TMEM213: variants seen among roughly 807,000 people sequenced by gnomAD.
TMEM213 encodes the protein transmembrane protein 213.
In TMEM213, 7 loss-of-function variants were observed where a neutral mutation model predicts 11.6. That is an observed-to-expected ratio of 0.60 (90% CI 0.34 to 1.13). TMEM213 has a LOEUF of 1.13. Ranked by LOEUF, TMEM213 falls within the 50% of genes most tolerant of loss-of-function variation. The pLI is 0.03. For missense variants in TMEM213, 129 were observed against 139.0 expected (o/e 0.93, Z 0.36); for synonymous variants, 60 against 58.3 (o/e 1.03, Z -0.13).
chr7:138,798,268 A>T, intron 1 of TMEM213, 82 bp downstream of exon 1: 2 of 1,168,830 alleles, frequency 1.7e-6, no homozygotes, highest in Non-Finnish European at 2.3e-6. Flanking sequence ...AAGAAGGAGG[A>T]GGGGGAAGAT....
chr7:138,799,529 G>C (rs1808859213), intron 1 of TMEM213: 1 of 152,162 alleles, frequency 6.6e-6, no homozygotes, highest in Non-Finnish European at 1.5e-5. Flanking sequence ...ACAGAAAATT[G>C]CTGATATTGA....
In TMEM213 at chr7:138,804,965, C is replaced by A. The variant is rs1422570356; in HGVS notation, c.*1896C>A. The A allele has an allele frequency of 1.3e-5, 2 of 152,094 alleles. No homozygotes were observed. Among genetic ancestry groups the A allele is most frequent in the African/African-American group, 4.8e-5 (2 of 41,416 alleles). The allele number at this position is 152,094 out of a possible 1,614,324, so 9.4% of individuals were successfully genotyped here. ...AAATACAAAAAGGAAAAATGAAAGACCTCTGAAATAGGAACAATCTCTTGA... is the reference window on the plus strand; with the variant it reads ...AAATACAAAAAGGAAAAATGAAAGAACTCTGAAATAGGAACAATCTCTTGA... On this transcript the variant is annotated 3_prime_UTR_variant, in exon 3 of 3. Transcript: ENST00000442682.
chr7:138,798,515 A>T (rs1342474732), intron 1 of TMEM213, among the ~76,000 whole-genome samples: 5 of 152,184 alleles, frequency 3.3e-5, no homozygotes, highest in Admixed American at 3.3e-4. Flanking sequence ...GACCAAAATG[A>T]TATCTCTTGG....
intron 2 of TMEM213, 58 bp from the exon 3 acceptor site, chr7:138,802,842 G>A (rs1808991228): frequency 1.3e-6 from 2 of 1,491,288 alleles, no homozygotes; most frequent in Admixed American, 4.6e-5. Context: ...TAATGGTAGA[G>A]AAGCCTGGGC....
At chr7:138,798,315 GAAACAGAACTTTCTCATCTGAA>G in intron 1 of TMEM213, 129 bp downstream of exon 1, 1 of 408,196 alleles carries the variant, frequency 2.4e-6, no homozygotes, top group Non-Finnish European at 3.9e-6. Context: ...AAGGAAGGAG[GAAACAGAACTTTCTCATCTGAA>G]GGATTAGGCA....
At chr7:138,802,483 A>G (rs112867123) in intron 2 of TMEM213, among the ~76,000 whole-genome samples, 16,867 of 151,178 alleles carry the variant, frequency 0.11, 975 homozygotes, top group Non-Finnish European at 0.13. Context: ...CCCAGAAGGC[A>G]GAAGTTGCAG....
chr7:138,798,332 T>A (rs1281842972), intron 1 of TMEM213, 146 bp downstream of exon 1: 2 of 336,394 alleles, frequency 5.9e-6, no homozygotes, highest in Non-Finnish European at 5.3e-6. Context: ...AACTTTCTCA[T>A]CTGAAGGATT....
intron 1 of TMEM213, among the ~76,000 whole-genome samples, chr7:138,801,107 T>C (rs573434331): frequency 4.5e-4 from 69 of 152,212 alleles, no homozygotes; most frequent in African/African-American, 1.5e-3. Context: ...TACAATCACA[T>C]TGGGGTTAGG....
At position 138,798,080 on chromosome 7, in the gene TMEM213, C is replaced by G; in HGVS notation, c.-25C>G. ...ACTCCGCAGGACCGGCTCACCTGCACCGGGCACTCAGCACAGCCTCCAGCA... is the reference window on the plus strand; with the variant it reads ...ACTCCGCAGGACCGGCTCACCTGCAGCGGGCACTCAGCACAGCCTCCAGCA... On this transcript the variant is annotated 5_prime_UTR_variant, in exon 1 of 3. Coordinates refer to ENST00000442682, the MANE Select transcript of TMEM213 (RefSeq NM_001085429.2). 1 of 1,583,484 alleles carries G rather than the reference C, an allele frequency of 6.3e-7. No individual in the cohort carries two copies. Among genetic ancestry groups the G allele is most frequent in the Non-Finnish European group, 8.6e-7 (1 of 1,165,426 alleles).
In TMEM213 at chr7:138,798,039, G is replaced by C; in HGVS notation, c.-66G>C. On this transcript the variant is annotated 5_prime_UTR_variant, in exon 1 of 3. Coordinates refer to ENST00000442682, the MANE Select transcript of TMEM213 (RefSeq NM_001085429.2). The stretch of plus-strand genomic sequence containing the variant: ...GCAGGTGGGAGTCGACTCACCTGCA[G>C]CAGGCACTCGGCACAACTCCGCAGG... 1 of 1,555,392 alleles carries C rather than the reference G, an allele frequency of 6.4e-7. No homozygotes were observed. The highest frequency in any genetic ancestry group is 8.7e-7 in the Non-Finnish European group (1 of 1,149,426).
chr7:138,798,075 C>T lies in TMEM213; in HGVS notation c.-30C>T, dbSNP rs1452198151. On this transcript the variant is annotated 5_prime_UTR_variant, in exon 1 of 3. Transcript: ENST00000442682. The stretch of plus-strand genomic sequence containing the variant: ...GCACAACTCCGCAGGACCGGCTCAC[C>T]TGCACCGGGCACTCAGCACAGCCTC... 6 of 1,579,028 alleles carry T rather than the reference C, an allele frequency of 3.8e-6. No individual in the cohort carries two copies. The highest frequency in any genetic ancestry group is 4.3e-6 in the Non-Finnish European group (5 of 1,163,052).
At chr7:138,802,636 G>A (rs558100601) in intron 2 of TMEM213, among the ~76,000 whole-genome samples, 6 of 152,120 alleles carry the variant, frequency 3.9e-5, no homozygotes, top group East Asian at 1.9e-4. Flanking sequence ...GCAGACTTGC[G>A]TTTGAGTTCT....
intron 1 of TMEM213, among the ~76,000 whole-genome samples, chr7:138,798,726 G>C (rs1028949659): frequency 5.3e-5 from 8 of 152,110 alleles, no homozygotes; most frequent in Non-Finnish European, 8.8e-5. Flanking sequence ...GCCTCCCCGG[G>C]CACTGGAAAT....
chr7:138,803,409 G>A lies in TMEM213; in HGVS notation c.*340G>A. 7.9e-6 allele frequency: 2 copies of A among 251,624 alleles called. No individual in the cohort carries two copies. 15.6% of individuals were successfully genotyped at this position (251,624 alleles called of 1,614,324 possible). On this transcript the variant is annotated 3_prime_UTR_variant, in exon 3 of 3. Coordinates refer to ENST00000442682, the MANE Select transcript of TMEM213 (RefSeq NM_001085429.2). ...ATCATCAACATTTTCAGAAGCAAGT[G>A]CATAACCTTCTCACCAAAACCAGGT...
intron 1 of TMEM213, among the ~76,000 whole-genome samples, chr7:138,799,122 C>T (rs1808840305): frequency 6.6e-6 from 1 of 152,188 alleles, no homozygotes; most frequent in South Asian, 2.1e-4. Flanking sequence ...CTCTCTATGC[C>T]AAGTTTCCTC....
At chr7:138,801,219 A>T in intron 1 of TMEM213, 108 bp from the exon 2 acceptor site, 1 of 1,042,448 alleles carries the variant, frequency 9.6e-7, no homozygotes, top group Non-Finnish European at 1.4e-6. Flanking sequence ...GGGAGCTTCT[A>T]TAATACTTTC....
chr7:138,801,558 C>T (rs1311563697), intron 2 of TMEM213, 160 bp downstream of exon 2: 5 of 681,202 alleles, frequency 7.3e-6, no homozygotes, highest in Non-Finnish European at 1.2e-5. Flanking sequence ...ATTTGCAGAG[C>T]AGGTCTGAAA....
intron 2 of TMEM213, among the ~76,000 whole-genome samples, chr7:138,802,574 AG>A (rs5887906): frequency 1 from 148,295 of 148,338 alleles, 74,126 homozygotes; most frequent in Middle Eastern, 1. Flanking sequence ...AAAAAAAGGA[AG>A]GGGTATTAGG....
intron 1 of TMEM213, among the ~76,000 whole-genome samples, chr7:138,799,778 T>C: frequency 6.6e-6 from 1 of 152,210 alleles, no homozygotes; most frequent in East Asian, 1.9e-4. Flanking sequence ...CTGTAAATAA[T>C]TTACAGTAAC....
Sources: allele counts gnomAD v4.1 joint callset (sites outside exome capture counted in the v4.1 genomes callset), GRCh38; gene constraint gnomAD v4.1.1; transcripts MANE v1.5; gene names NCBI Gene and HGNC (gene_info 2026-07-23, HGNC 2026-07-21).